CREB5: variants seen among roughly 807,000 people sequenced by gnomAD.
CREB5 encodes cyclic AMP-responsive element-binding protein 5.
Under a neutral mutation model 57.1 loss-of-function variants are expected in CREB5, and 19 were observed. That is an observed-to-expected ratio of 0.33 (90% CI 0.23 to 0.49). CREB5 has a LOEUF of 0.49. CREB5 is among the 20% of genes least tolerant of loss of function. The pLI is 0.99. For missense variants in CREB5, 579 were observed against 671.6 expected (o/e 0.86, Z 1.52); for synonymous variants, 238 against 238.3 (o/e 1.00, Z 0.01).
In CREB5 at chr7:28,311,437, A is replaced by G. The variant is rs938469964; in HGVS notation, c.-25+11996A>G. ...ACCCTGGGCAGTGCTTTGAAAACAT[A>G]TCCCCCACTGTCCTCTCTTCCCTCT... is the stretch of plus-strand genomic sequence containing the variant. On this transcript the variant is annotated intron_variant, in intron 1 of 9. Transcript: ENST00000396299. Among the ~76,000 whole-genome samples, 44 of 152,336 alleles carry G rather than the reference A, an allele frequency of 2.9e-4. 1 individual carries two copies. The highest frequency in any genetic ancestry group is 1.2e-4 in the Non-Finnish European group (8 of 68,028).
chr7:28,698,697 CTA>C (rs1488238136), intron 5 of CREB5, among the ~76,000 whole-genome samples: 1 of 152,130 alleles, frequency 6.6e-6, no homozygotes, highest in Non-Finnish European at 1.5e-5. Flanking sequence ...TGTGGAAATG[CTA>C]TGTTTTATGA....
At chr7:28,605,028 T>A (rs76175460) in intron 5 of CREB5, among the ~76,000 whole-genome samples, 1 of 152,022 alleles carries the variant, frequency 6.6e-6, no homozygotes, top group East Asian at 1.9e-4. Flanking sequence ...ACAGAAAAAT[T>A]TATGCCCTTT....
chr7:28,332,479 G>A (rs867036284), intron 1 of CREB5, among the ~76,000 whole-genome samples: 5 of 152,118 alleles, frequency 3.3e-5, no homozygotes, highest in Non-Finnish European at 7.4e-5. Flanking sequence ...GGTTACGTTT[G>A]CGTGGTAGAA....
intron 1 of CREB5, among the ~76,000 whole-genome samples, chr7:28,328,368 T>A (rs1382825617): frequency 6.6e-6 from 1 of 152,194 alleles, no homozygotes. Flanking sequence ...TATGACTGTG[T>A]CTCAACTGTC....
chr7:28,397,139 G>A (rs1005249046), intron 1 of CREB5, among the ~76,000 whole-genome samples: 2 of 152,074 alleles, frequency 1.3e-5, no homozygotes, highest in African/African-American at 4.8e-5. Context: ...AAAATACAGA[G>A]GAAAAAAACT....
intron 1 of CREB5, among the ~76,000 whole-genome samples, chr7:28,454,317 C>G (rs989072797): frequency 6.6e-6 from 1 of 152,246 alleles, no homozygotes; most frequent in East Asian, 1.9e-4. Context: ...GTCCAACATG[C>G]CCTCCTCTTC....
intron 7 of CREB5, among the ~76,000 whole-genome samples, chr7:28,753,660 A>C (rs1805111761): frequency 1.3e-5 from 2 of 152,180 alleles, no homozygotes; most frequent in Admixed American, 6.5e-5. Flanking sequence ...ACTAAATGGC[A>C]TGCACTTGTT....
chr7:28,356,822 AC>A (rs1786354865), intron 1 of CREB5, among the ~76,000 whole-genome samples: 1 of 152,186 alleles, frequency 6.6e-6, no homozygotes, highest in South Asian at 2.1e-4. Context: ...GGATGCTGCC[AC>A]ATGGCACTTG....
intron 3 of CREB5, among the ~76,000 whole-genome samples, chr7:28,500,884 G>A (rs1270506507): frequency 6.6e-6 from 1 of 152,048 alleles, no homozygotes; most frequent in Non-Finnish European, 1.5e-5. Flanking sequence ...TCCATTGATA[G>A]TAAAGGTATA....
intron 1 of CREB5, among the ~76,000 whole-genome samples, chr7:28,433,505 T>C (rs1788814894): frequency 6.6e-6 from 1 of 152,222 alleles, no homozygotes; most frequent in African/African-American, 2.4e-5. Context: ...AAATTTACAA[T>C]TTAAAAATGC....
chr7:28,490,165 G>A (rs1188492284), intron 2 of CREB5, among the ~76,000 whole-genome samples: 2 of 152,156 alleles, frequency 1.3e-5, no homozygotes, highest in Non-Finnish European at 2.9e-5. Context: ...ATTGCTCTGG[G>A]GAAACAGTAA....
chr7:28,426,750 T>A (rs1788526091), intron 1 of CREB5, among the ~76,000 whole-genome samples: 1 of 151,384 alleles, frequency 6.6e-6, no homozygotes, highest in Admixed American at 6.5e-5. Flanking sequence ...AAACGTATCT[T>A]CTATTGTGAT....
intron 1 of CREB5, among the ~76,000 whole-genome samples, chr7:28,404,367 C>G (rs907348924): frequency 6.6e-6 from 1 of 152,068 alleles, no homozygotes; most frequent in Non-Finnish European, 1.5e-5. Flanking sequence ...AAAGCGTGAC[C>G]TCTCAGGGCT....
chr7:28,603,064 G>C (rs1268259218), intron 5 of CREB5, among the ~76,000 whole-genome samples: 1 of 152,162 alleles, frequency 6.6e-6, no homozygotes, highest in Non-Finnish European at 1.5e-5. Flanking sequence ...TTAAGGATTT[G>C]TTTATTTCTA....
chr7:28,500,457 G>C (rs1034717550), intron 3 of CREB5, among the ~76,000 whole-genome samples: 2 of 152,174 alleles, frequency 1.3e-5, no homozygotes, highest in African/African-American at 4.8e-5. Flanking sequence ...TTATTCATCA[G>C]ATTCTCAGCA....
At chr7:28,710,413 AC>A (rs1374457268) in intron 5 of CREB5, among the ~76,000 whole-genome samples, 2 of 152,224 alleles carry the variant, frequency 1.3e-5, no homozygotes, top group Non-Finnish European at 2.9e-5. Context: ...AATATCTGCT[AC>A]AGTAAACAGG....
intron 4 of CREB5, among the ~76,000 whole-genome samples, chr7:28,519,628 G>A (rs1039772270): frequency 2.0e-5 from 3 of 152,198 alleles, no homozygotes; most frequent in African/African-American, 4.8e-5. Context: ...AGGGCCAGGG[G>A]TGCAGTCTGT....
chr7:28,506,558 C>A (rs1395501113), intron 3 of CREB5, among the ~76,000 whole-genome samples: 5 of 152,214 alleles, frequency 3.3e-5, no homozygotes, highest in Admixed American at 6.5e-5. Flanking sequence ...ATCTGGGAGA[C>A]CTTAAGCAAG....
intron 1 of CREB5, among the ~76,000 whole-genome samples, chr7:28,484,266 GA>G (rs1791467045): frequency 6.6e-6 from 1 of 152,132 alleles, no homozygotes; most frequent in Non-Finnish European, 1.5e-5. Flanking sequence ...GTCTGTTTGA[GA>G]GAATAATTAT....
Sources: gnomAD v4.1 joint callset for allele counts (sites outside exome capture counted in the v4.1 genomes callset) on GRCh38, gnomAD v4.1.1 for gene constraint, MANE v1.5 for transcripts, NCBI Gene and HGNC (gene_info 2026-07-23, HGNC 2026-07-21) for gene names.